ECHDC1: variants seen among roughly 807,000 people sequenced by gnomAD.
The protein encoded by ECHDC1 is ethylmalonyl-CoA decarboxylase.
A neutral mutation model predicts 29.7 loss-of-function variants in ECHDC1; 29 were observed. The ratio of observed to expected loss-of-function variants is 0.98; its 90% CI spans 0.73 to 1.33. ECHDC1 has a LOEUF of 1.33. Among genes scored for constraint, ECHDC1 ranks in the 40% most tolerant of loss-of-function variants. The pLI is 0.00. For synonymous variants in ECHDC1, 126 were observed against 123.1 expected (o/e 1.02, Z -0.15); for missense variants, 328 against 350.0 (o/e 0.94, Z 0.50).
chr6:127,316,844 T>C (rs1782423518), intron 3 of ECHDC1, among the ~76,000 whole-genome samples: 1 of 152,026 alleles, frequency 6.6e-6, no homozygotes, highest in Non-Finnish European at 1.5e-5. Context: ...ATGATAAACA[T>C]ATAAGAGAAG....
In ECHDC1 at chr6:127,303,406, G is replaced by A. The variant is rs1385778993; in HGVS notation, c.497+11410C>T. On this transcript the variant is annotated intron_variant, in intron 5 of 5. Transcript: ENST00000454859. ...GTGAACACATGAATAATAAGGAAGC[G>A]AAACAGTCTTATTGCCGATGTGAAG... Among the ~76,000 whole-genome samples, 8 of 152,180 alleles carry A rather than the reference G, an allele frequency of 5.3e-5. No individual in the cohort carries two copies. The East Asian group carries it at 5.8e-4, about 11-fold the overall frequency.
chr6:127,318,377 GTATTTT>G (rs1329264466), intron 3 of ECHDC1, among the ~76,000 whole-genome samples: 5 of 152,114 alleles, frequency 3.3e-5, no homozygotes, highest in Non-Finnish European at 5.9e-5. Flanking sequence ...TGTTTCAACA[GTATTTT>G]TATTTTTATG....
At chr6:127,314,745 T>C (rs776336868) in intron 5 of ECHDC1, 71 bp downstream of exon 5, 19 of 1,190,862 alleles carry the variant, frequency 1.6e-5, no homozygotes, top group Non-Finnish European at 2.2e-5. Flanking sequence ...AAAATATTGA[T>C]ATTAAGGCAA....
At chr6:127,300,020 C>A (rs2114572536) in intron 5 of ECHDC1, among the ~76,000 whole-genome samples, 1 of 152,220 alleles carries the variant, frequency 6.6e-6, no homozygotes, top group South Asian at 2.1e-4. Flanking sequence ...AAGCTGCACC[C>A]TAGATGGTAT....
intron 5 of ECHDC1, among the ~76,000 whole-genome samples, chr6:127,310,735 C>T (rs1014165538): frequency 6.6e-6 from 1 of 152,210 alleles, no homozygotes; most frequent in Admixed American, 6.5e-5. Flanking sequence ...GAAAGAAGTT[C>T]TACTATGGGT....
At chr6:127,339,194 A>G (rs148228515) in intron 1 of ECHDC1, among the ~76,000 whole-genome samples, 82 of 151,542 alleles carry the variant, frequency 5.4e-4, no homozygotes, top group African/African-American at 1.9e-3. Flanking sequence ...CTTTGTTGAC[A>G]AGTCTGGCAG....
chr6:127,312,157 C>A (rs552003865), intron 5 of ECHDC1, among the ~76,000 whole-genome samples: 1 of 152,156 alleles, frequency 6.6e-6, no homozygotes, highest in Admixed American at 6.5e-5. Context: ...GACACACGAG[C>A]ATACTTCACC....
intron 1 of ECHDC1, among the ~76,000 whole-genome samples, chr6:127,332,191 T>A (rs1310615477): frequency 2.6e-5 from 4 of 152,204 alleles, no homozygotes; most frequent in Non-Finnish European, 5.9e-5. Context: ...AAGTAACTTC[T>A]TGACTTCTAA....
At chr6:127,301,241 A>G (rs1234644806) in intron 5 of ECHDC1, among the ~76,000 whole-genome samples, 5 of 152,196 alleles carry the variant, frequency 3.3e-5, no homozygotes, top group Non-Finnish European at 5.9e-5. Flanking sequence ...CATTACATCT[A>G]TTACCAGCTG....
chr6:127,329,370 A>G (rs1485209166), intron 2 of ECHDC1, among the ~76,000 whole-genome samples: 1 of 69,046 alleles, frequency 1.4e-5, no homozygotes, highest in East Asian at 5.1e-4. Context: ...GCATCAAAAT[A>G]ATATGTTTCT....
In ECHDC1 at chr6:127,289,922, C is replaced by T. The variant is rs546011440; in HGVS notation, c.853G>A (p.Gly285Ser). 1.2e-6 allele frequency: 2 copies of T among 1,613,398 alleles called. No homozygotes were observed. The highest frequency in any genetic ancestry group is 4.5e-5 in the East Asian group (2 of 44,850). ...NERDLLGTVW[G>S]GPANLEAIAK... ...ATAGCCTCTAAATTTGCAGGCCCACCCCAAACTGTTCCTAAAAGATCTCTT... is the reference window on the plus strand; with the variant it reads ...ATAGCCTCTAAATTTGCAGGCCCACTCCAAACTGTTCCTAAAAGATCTCTT... Residue 285 changes from glycine to serine, a missense_variant, in exon 6 of 6, where the codon GGT becomes AGT. Coordinates refer to ENST00000454859, the MANE Select transcript of ECHDC1 (RefSeq NM_001002030.2).
chr6:127,342,655 T>C (rs1426333142), intron 1 of ECHDC1: 1 of 381,264 alleles, frequency 2.6e-6, no homozygotes, highest in Non-Finnish European at 4.7e-6. Flanking sequence ...CAACAACTGC[T>C]ATACAGGAGC....
intron 1 of ECHDC1, among the ~76,000 whole-genome samples, chr6:127,334,158 C>T (rs1784220479): frequency 6.6e-6 from 1 of 152,152 alleles, no homozygotes; most frequent in African/African-American, 2.4e-5. Context: ...TATTGCCTAA[C>T]AGAAATGCAA....
At chr6:127,293,205 T>C (rs1780336589) in intron 5 of ECHDC1, among the ~76,000 whole-genome samples, 1 of 152,110 alleles carries the variant, frequency 6.6e-6, no homozygotes, top group Non-Finnish European at 1.5e-5. Context: ...CTTGAACAAA[T>C]GTATTCAAGA....
chr6:127,301,171 A>G (rs911109390), intron 5 of ECHDC1, among the ~76,000 whole-genome samples: 2 of 152,224 alleles, frequency 1.3e-5, no homozygotes, highest in Admixed American at 1.3e-4. Context: ...CATGAAAAGT[A>G]TGACTCAAGT....
chr6:127,305,204 A>C (rs1781349323), intron 5 of ECHDC1, among the ~76,000 whole-genome samples: 1 of 152,170 alleles, frequency 6.6e-6, no homozygotes, highest in Admixed American at 6.5e-5. Context: ...ACACACAATT[A>C]AGCTCCAATA....
At chr6:127,342,667 C>T in intron 1 of ECHDC1, 1 of 359,530 alleles carries the variant, frequency 2.8e-6, no homozygotes, top group Non-Finnish European at 5.0e-6. Context: ...TACAGGAGCC[C>T]AGATGTGGAA....
At chr6:127,337,231 C>A (rs1022161421) in intron 1 of ECHDC1, among the ~76,000 whole-genome samples, 2 of 152,198 alleles carry the variant, frequency 1.3e-5, no homozygotes, top group Non-Finnish European at 2.9e-5. Context: ...GCCTCCCCTT[C>A]CCGCTTTGTT....
chr6:127,305,843 A>T (rs1435261782), intron 5 of ECHDC1, among the ~76,000 whole-genome samples: 5 of 152,082 alleles, frequency 3.3e-5, no homozygotes. Context: ...AGCTAAATCA[A>T]ATCACTGAGA....
Sources: gnomAD v4.1 joint callset for allele counts (sites outside exome capture counted in the v4.1 genomes callset) on GRCh38, gnomAD v4.1.1 for gene constraint, MANE v1.5 for transcripts, NCBI Gene and HGNC (gene_info 2026-07-23, HGNC 2026-07-21) for gene names.